LMNB1: variants seen among roughly 807,000 people sequenced by gnomAD.
LMNB1 encodes lamin B1.
In LMNB1, 23 loss-of-function variants were observed where a neutral mutation model predicts 67.1. That is an observed-to-expected ratio of 0.34 (90% CI 0.25 to 0.49). LMNB1 has a LOEUF of 0.49. Among genes scored for constraint, LMNB1 ranks in the 20% least tolerant of loss-of-function variants. LMNB1 has a pLI of 0.99. For missense variants in LMNB1, 634 were observed against 746.5 expected, an observed-to-expected ratio of 0.85 and a Z score of 1.76; for synonymous variants, 281 against 282.9, an observed-to-expected ratio of 0.99 and a Z score of 0.07.
At chr5:126,807,320 A>G (rs1751467239) in intron 3 of LMNB1, among the ~76,000 whole-genome samples, 1 of 152,254 alleles carries the variant, frequency 6.6e-6, no homozygotes, top group Admixed American at 6.5e-5. Flanking sequence ...TCATTGTAGC[A>G]GTTAGCAAAC....
At chr5:126,806,583 CT>C (rs1006514705) in intron 3 of LMNB1, among the ~76,000 whole-genome samples, 3 of 151,956 alleles carry the variant, frequency 2.0e-5, no homozygotes, top group Non-Finnish European at 4.4e-5. Flanking sequence ...TATGGCCCCC[CT>C]AAGGGTCAGT....
chr5:126,779,401 T>G (rs565568447), intron 1 of LMNB1, among the ~76,000 whole-genome samples: 1 of 152,240 alleles, frequency 6.6e-6, no homozygotes, highest in Non-Finnish European at 1.5e-5. Context: ...TGGTTTCATC[T>G]TTTAAAATGA....
Position 126,818,969 on chromosome 5 carries a change from T to A in LMNB1, c.987T>A (p.Ala329=). ...ERIQELEDLL[A]KEKDNSRRML... ...TTCAAGAATTAGAGGACTTGCTTGC[T>A]AAAGAAAAAGACAACTCTCGTCGCA... The change falls in exon 6 of 11, where the codon GCT becomes GCA. Residue 329 remains alanine (A), a synonymous_variant. Coordinates refer to ENST00000261366, the MANE Select transcript of LMNB1 (RefSeq NM_005573.4). 5.6e-6 allele frequency: 9 copies of A among 1,614,136 alleles called. No homozygotes were observed. The highest frequency in any genetic ancestry group is 7.6e-6 in the Non-Finnish European group (9 of 1,179,994).
intron 8 of LMNB1, among the ~76,000 whole-genome samples, chr5:126,825,237 A>C (rs1365028814): frequency 1.3e-5 from 2 of 152,184 alleles, no homozygotes. Context: ...CACTCTATCC[A>C]TTCTCTTTTG....
At chr5:126,816,889 G>C (rs1416853986) in intron 5 of LMNB1, among the ~76,000 whole-genome samples, 1 of 152,118 alleles carries the variant, frequency 6.6e-6, no homozygotes, top group Non-Finnish European at 1.5e-5. Context: ...TGTTTGTCAG[G>C]TTTCTCCACT....
intron 1 of LMNB1, among the ~76,000 whole-genome samples, chr5:126,789,820 C>A (rs114030209): frequency 6.6e-6 from 1 of 152,012 alleles, no homozygotes; most frequent in Non-Finnish European, 1.5e-5. Context: ...ACTACAGGCA[C>A]CTACCAACGA....
chr5:126,810,784 G>A (rs1488961024), intron 4 of LMNB1, among the ~76,000 whole-genome samples: 2 of 152,056 alleles, frequency 1.3e-5, no homozygotes, highest in Admixed American at 1.3e-4. Context: ...CACACTTCCG[G>A]CTTTTTTGCA....
intron 3 of LMNB1, among the ~76,000 whole-genome samples, chr5:126,806,632 G>A (rs572745504): frequency 7.2e-5 from 11 of 152,216 alleles, no homozygotes; most frequent in African/African-American, 2.4e-4. Context: ...GAAACACAAC[G>A]AGAACATGAA....
rs183430660 is a variant in LMNB1, at chr5:126,806,161, G to C, written c.642+465G>C. Reference sequence around the variant, plus strand: ...GTAGAGACGGGATTTCACCATATTGGCCAGGGTGGTCTCGATCTCCTGACC... The same window carrying C: ...GTAGAGACGGGATTTCACCATATTGCCCAGGGTGGTCTCGATCTCCTGACC... On this transcript the variant is annotated intron_variant, in intron 3 of 10. Transcript: ENST00000261366. Among the ~76,000 whole-genome samples the C allele has an allele frequency of 1.7e-3, 256 of 152,208 alleles. 1 individual carries two copies. Among genetic ancestry groups the C allele is most frequent in the Admixed American group, 3.4e-3 (52 of 15,288 alleles).
chr5:126,822,239 C>T (rs1751888283), intron 7 of LMNB1, among the ~76,000 whole-genome samples: 1 of 152,232 alleles, frequency 6.6e-6, no homozygotes, highest in African/African-American at 2.4e-5. Flanking sequence ...ATCCACCCGC[C>T]TTGGCCTCCT....
chr5:126,777,809 G>T lies in LMNB1; in HGVS notation c.301G>T (p.Ala101Ser). 1 of 1,488,492 alleles carries T rather than the reference G, an allele frequency of 6.7e-7. No homozygotes were observed. Among genetic ancestry groups the T allele is most frequent in the Non-Finnish European group, 9.0e-7 (1 of 1,117,126 alleles). The allele number at this position is 1,488,492 out of a possible 1,614,324, so 92.2% of individuals were successfully genotyped here. Residue 101 changes from alanine to serine, a missense_variant, in exon 1 of 11, where the codon GCC becomes TCC. Physicochemically the swap from Ala to Ser is moderately conservative, Grantham distance 99 (BLOSUM62 1). Coordinates refer to ENST00000261366, the MANE Select transcript of LMNB1 (RefSeq NM_005573.4). The part of the protein sequence containing the change: ...RALDDTARER[A>S]KLQIELGKCK... ...GCTCGACGACACGGCCCGCGAGCGC[G>T]CCAAGCTGCAGATCGAGCTGGGCAA...
intron 7 of LMNB1, among the ~76,000 whole-genome samples, chr5:126,822,049 G>C (rs1323946348): frequency 2.0e-5 from 3 of 148,030 alleles, no homozygotes; most frequent in Non-Finnish European, 4.4e-5. Flanking sequence ...TGTTGCCCAG[G>C]TCGGAGTGCA....
chr5:126,819,100 A>G lies in LMNB1; in HGVS notation c.1118A>G (p.Glu373Gly). The part of the protein sequence containing the change: ...LLDVKLALDM[E>G]ISAYRKLLEG... ...GATGTAAAGTTAGCCCTGGACATGG[A>G]AATCAGTGCTTACAGGAAACTCTTA... The change falls in exon 6 of 11, where the codon GAA (glutamate) becomes GGA (glycine). Residue 373 changes from glutamate to glycine, a missense_variant. Physicochemically the swap from Glu to Gly is moderately conservative, Grantham distance 98. Coordinates refer to ENST00000261366, the MANE Select transcript of LMNB1 (RefSeq NM_005573.4). The G allele has an allele frequency of 6.2e-7, 1 of 1,614,164 alleles. No individual in the cohort carries two copies. The highest frequency in any genetic ancestry group is 8.5e-7 in the Non-Finnish European group (1 of 1,180,008).
At chr5:126,829,573 G>C (rs1752079660) in intron 9 of LMNB1, among the ~76,000 whole-genome samples, 1 of 151,538 alleles carries the variant, frequency 6.6e-6, no homozygotes, top group Non-Finnish European at 1.5e-5. Flanking sequence ...TCTCAGAACA[G>C]CCTAGCAAGC....
rs1750489604 is a variant in LMNB1, at chr5:126,777,478, C to T, written c.-31C>T. The stretch of plus-strand genomic sequence containing the variant: ...CTCCTTATCACGGTCCCGCTCGCGG[C>T]CTCGCCGCCCCGCTGTCTCCGCCGC... On this transcript the variant is annotated 5_prime_UTR_variant, in exon 1 of 11. Transcript: ENST00000261366. The T allele has an allele frequency of 2.3e-6, 3 of 1,301,380 alleles. No individual in the cohort carries two copies. The highest frequency in any genetic ancestry group is 1.9e-6 in the Non-Finnish European group (2 of 1,028,538). 80.6% of individuals were successfully genotyped at this position (1,301,380 alleles called of 1,614,324 possible).
At chr5:126,779,639 C>T (rs1750571413) in intron 1 of LMNB1, among the ~76,000 whole-genome samples, 1 of 152,204 alleles carries the variant, frequency 6.6e-6, no homozygotes, top group African/African-American at 2.4e-5. Context: ...TGGCTCACGC[C>T]TGTAATCCCA....
chr5:126,832,611 C>G, intron 9 of LMNB1, 83 bp from the exon 10 acceptor site: 1 of 973,790 alleles, frequency 1.0e-6, no homozygotes, highest in South Asian at 1.3e-5. Flanking sequence ...GAAATGCTGT[C>G]TCTTAAGCAA....
At chr5:126,811,699 C>T in intron 4 of LMNB1, 74 bp from the exon 5 acceptor site, 4 of 1,433,558 alleles carry the variant, frequency 2.8e-6, no homozygotes, top group Non-Finnish European at 3.8e-6. Context: ...GTTTGAAATG[C>T]CTTGAGGTGA....
intron 1 of LMNB1, 39 bp downstream of exon 1, chr5:126,777,906 G>A (rs2112912460): frequency 2.2e-6 from 3 of 1,381,460 alleles, no homozygotes; most frequent in Admixed American, 3.3e-5. Flanking sequence ...GCCAAGGAGG[G>A]GCGGGGGCGC....
Sources: allele counts gnomAD v4.1 joint callset (sites outside exome capture counted in the v4.1 genomes callset), GRCh38; gene constraint gnomAD v4.1.1; transcripts MANE v1.5; gene names NCBI Gene and HGNC (gene_info 2026-07-23, HGNC 2026-07-21).